PSMD1: variants seen among roughly 807,000 people sequenced by gnomAD.
PSMD1 encodes 26S proteasome non-ATPase regulatory subunit 1.
A neutral mutation model predicts 119.0 loss-of-function variants in PSMD1; 18 were observed. The ratio of observed to expected loss-of-function variants is 0.15; its 90% confidence interval spans 0.10 to 0.22. The LOEUF is 0.22. Ranked by LOEUF, PSMD1 falls within the 10% of genes least tolerant of loss-of-function variation. The probability of loss-of-function intolerance (pLI) is 1.00; values close to 1 mark genes in which losing one functional copy is unlikely to be tolerated. For synonymous variants in PSMD1, 374 were observed against 396.6 expected (o/e 0.94, Z 0.68); for missense variants, 702 against 1,158.5 (o/e 0.61, Z 5.72).
intron 22 of PSMD1, 56 bp downstream of exon 22, chr2:231,165,342 G>A (rs1696752393): frequency 8.7e-6 from 13 of 1,490,296 alleles, no homozygotes; most frequent in South Asian, 2.5e-5. Context: ...TGTCATGGTC[G>A]AGATTCTTCC....
At chr2:231,118,503 A>G (rs1194059302) in intron 16 of PSMD1, among the ~76,000 whole-genome samples, 1 of 152,210 alleles carries the variant, frequency 6.6e-6, no homozygotes, top group African/African-American at 2.4e-5. Context: ...GTTGAATTTT[A>G]ACTGCTGTTT....
intron 11 of PSMD1, 69 bp downstream of exon 11, chr2:231,079,683 AAC>A (rs1574712826): frequency 3.0e-6 from 3 of 1,013,182 alleles, no homozygotes; most frequent in Non-Finnish European, 4.3e-6. Flanking sequence ...AAGAAAAAAT[AAC>A]AGTTTATTAT....
At chr2:231,072,005 A>G (rs1269833883) in intron 6 of PSMD1, among the ~76,000 whole-genome samples, 184 bp from the exon 7 acceptor site, 1 of 152,302 alleles carries the variant, frequency 6.6e-6, no homozygotes, top group Middle Eastern at 3.4e-3. Flanking sequence ...TGGAAGACAG[A>G]TGCCATGTTT....
At chr2:231,157,591 G>T (rs1342102388) in intron 19 of PSMD1, among the ~76,000 whole-genome samples, 2 of 149,918 alleles carry the variant, frequency 1.3e-5, no homozygotes, top group Non-Finnish European at 3.0e-5. Context: ...TTTTTTGGGG[G>T]GGGCCAATTC....
chr2:231,158,018 T>C (rs1173769842), intron 19 of PSMD1, among the ~76,000 whole-genome samples: 1 of 151,914 alleles, frequency 6.6e-6, no homozygotes, highest in African/African-American at 2.4e-5. Context: ...TCAGTAAAAT[T>C]AGTGGTAGTA....
At chr2:231,149,958 T>A (rs1179852635) in intron 18 of PSMD1, among the ~76,000 whole-genome samples, 1 of 152,190 alleles carries the variant, frequency 6.6e-6, no homozygotes, top group Non-Finnish European at 1.5e-5. Flanking sequence ...TCAGGCATAT[T>A]GAGTTTGACA....
intron 16 of PSMD1, among the ~76,000 whole-genome samples, chr2:231,103,883 C>G (rs1005027875): frequency 1.3e-5 from 2 of 152,140 alleles, no homozygotes; most frequent in African/African-American, 4.8e-5. Context: ...AGCTGTGACC[C>G]TAACCTTTCC....
At chr2:231,125,868 C>T (rs1166320591) in intron 16 of PSMD1, among the ~76,000 whole-genome samples, 1 of 152,172 alleles carries the variant, frequency 6.6e-6, no homozygotes, top group Non-Finnish European at 1.5e-5. Flanking sequence ...TCAGTGATGA[C>T]ATTTGTGCCC....
intron 18 of PSMD1, among the ~76,000 whole-genome samples, chr2:231,153,065 A>G (rs1379040417): frequency 6.6e-6 from 1 of 152,220 alleles, no homozygotes; most frequent in African/African-American, 2.4e-5. Context: ...CAGAAAATTA[A>G]TGTGAGTAGA....
intron 16 of PSMD1, among the ~76,000 whole-genome samples, chr2:231,099,875 G>T (rs374385665): frequency 6.6e-6 from 1 of 152,164 alleles, no homozygotes; most frequent in South Asian, 2.1e-4. Flanking sequence ...TCTTACCTTG[G>T]TCCTGACCAC....
intron 18 of PSMD1, among the ~76,000 whole-genome samples, chr2:231,150,013 T>G (rs1168921389): frequency 6.6e-6 from 1 of 152,020 alleles, no homozygotes; most frequent in Non-Finnish European, 1.5e-5. Flanking sequence ...AGGAAAAAAA[T>G]TAGACGCTAA....
At chr2:231,127,827 A>G (rs1695762419) in intron 16 of PSMD1, among the ~76,000 whole-genome samples, 1 of 152,234 alleles carries the variant, frequency 6.6e-6, no homozygotes, top group Non-Finnish European at 1.5e-5. Context: ...GGTAGAGTGA[A>G]GTTTTTAATA....
At position 231,161,512 on chromosome 2, in the gene PSMD1, A is replaced by G. The variant is rs1226285725; in HGVS notation, c.2388+3A>G. Reference sequence around the variant, plus strand: ...TTGGCCTTAACAAGGACTTAAAGGTATGTCTGTGAGACCTCAGCTTTGTAG... The same window carrying G: ...TTGGCCTTAACAAGGACTTAAAGGTGTGTCTGTGAGACCTCAGCTTTGTAG... On this transcript the variant is annotated splice_donor_region_variant and intron_variant, in intron 20 of 24. Coordinates refer to ENST00000308696, the MANE Select transcript of PSMD1 (RefSeq NM_002807.4). 2 of 1,611,996 alleles carry G rather than the reference A, an allele frequency of 1.2e-6. No individual in the cohort carries two copies. The highest frequency in any genetic ancestry group is 1.7e-6 in the Non-Finnish European group (2 of 1,178,346).
intron 16 of PSMD1, among the ~76,000 whole-genome samples, chr2:231,095,512 A>G (rs947648784): frequency 2.0e-5 from 3 of 152,214 alleles, no homozygotes; most frequent in Admixed American, 1.3e-4. Context: ...CATAAAATGA[A>G]TAATCTTGCA....
chr2:231,139,046 A>G, intron 17 of PSMD1, 196 bp downstream of exon 17: 2 of 664,140 alleles, frequency 3.0e-6, no homozygotes, highest in South Asian at 1.6e-5. Flanking sequence ...AAATCGTCAC[A>G]TTACATGGAT....
chr2:231,056,977 G>A lies in PSMD1; in HGVS notation c.-49G>A. On this transcript the variant is annotated 5_prime_UTR_variant, in exon 1 of 25. Transcript: ENST00000308696. ...CGGCCCCTGAGCTGACAGATACACT[G>A]CGCAGCTGGAACGGCGAGCGAGCCG... The A allele has an allele frequency of 6.5e-7, 1 of 1,540,318 alleles. No individual in the cohort carries two copies. The highest frequency in any genetic ancestry group is 8.7e-7 in the Non-Finnish European group (1 of 1,144,554).
At chr2:231,067,346 T>G (rs1438637491) in intron 5 of PSMD1, among the ~76,000 whole-genome samples, 1 of 152,230 alleles carries the variant, frequency 6.6e-6, no homozygotes, top group Non-Finnish European at 1.5e-5. Context: ...CATGGGGAAG[T>G]TGTATTAATT....
At position 231,103,399 on chromosome 2, in the gene PSMD1, T is replaced by C. The variant is rs988346113; in HGVS notation, c.1883+16218T>C. Among the ~76,000 whole-genome samples the C allele has an allele frequency of 2.6e-5, 4 of 152,230 alleles. No homozygotes were observed. The South Asian group carries it at 6.2e-4, about 24-fold the overall frequency. On this transcript the variant is annotated intron_variant, in intron 16 of 24. Coordinates refer to ENST00000308696, the MANE Select transcript of PSMD1 (RefSeq NM_002807.4). ...TAGTCTGGCACCTCTAAACGGGTTATGTGACTTATTGGGCCTGATTGTTTC... is the reference window on the plus strand; with the variant it reads ...TAGTCTGGCACCTCTAAACGGGTTACGTGACTTATTGGGCCTGATTGTTTC...
At chr2:231,161,285 A>G (rs1295863607) in intron 19 of PSMD1, 55 bp from the exon 20 acceptor site, 2 of 1,389,898 alleles carry the variant, frequency 1.4e-6, no homozygotes, top group Admixed American at 2.3e-5. Context: ...TTATTGTCCT[A>G]CTATAATAAT....
Sources: allele counts gnomAD v4.1 joint callset (sites outside exome capture counted in the v4.1 genomes callset), GRCh38; gene constraint gnomAD v4.1.1; transcripts MANE v1.5; gene names NCBI Gene and HGNC (gene_info 2026-07-23, HGNC 2026-07-21).